C3orf52: variants seen among roughly 807,000 people sequenced by gnomAD.
C3orf52 encodes chromosome 3 open reading frame 52.
Under a neutral mutation model 24.8 loss-of-function variants are expected in C3orf52, and 22 were observed. The observed-to-expected ratio is 0.89, with a 90% CI of 0.63 to 1.27. The LOEUF (loss-of-function observed/expected upper bound fraction) is 1.27, where lower values mean the gene tolerates loss of function less well. C3orf52 is among the 50% of genes most tolerant of loss of function. The pLI is 0.00. For missense variants in C3orf52, 265 were observed against 260.7 expected (o/e 1.02, Z -0.11); for synonymous variants, 93 against 100.2 (o/e 0.93, Z 0.43).
chr3:112,135,021 T>TAA (rs1475950293), downstream of C3orf52: 1 of 154,892 alleles, frequency 6.5e-6, no homozygotes, highest in Non-Finnish European at 1.5e-5. Context: ...TTGTTGTTCT[T>TAA]TATCTTGATT....
intron 4 of C3orf52, among the ~76,000 whole-genome samples, chr3:112,126,593 T>C (rs2074325812): frequency 6.6e-6 from 1 of 152,220 alleles, no homozygotes. Flanking sequence ...CTCCCCACTG[T>C]GTAAAGCCAG....
intron 2 of C3orf52, among the ~76,000 whole-genome samples, chr3:112,101,286 C>T (rs1327560250): frequency 6.6e-6 from 1 of 152,156 alleles, no homozygotes; most frequent in African/African-American, 2.4e-5. Context: ...AAACCAGGAG[C>T]AAGCTTTCAA....
chr3:112,093,617 G>T (rs1576135188), intron 2 of C3orf52, 128 bp downstream of exon 2: 1 of 888,576 alleles, frequency 1.1e-6, no homozygotes, highest in Non-Finnish European at 1.7e-6. Flanking sequence ...AGACCGGCTT[G>T]GAATATATTG....
At chr3:112,123,516 T>TGA in intron 4 of C3orf52, 1 of 1,614,150 alleles carries the variant, frequency 6.2e-7, no homozygotes, top group Non-Finnish European at 8.5e-7. Flanking sequence ...TTGCAGAAAG[T>TGA]GAGAGGAGAT....
downstream of C3orf52, chr3:112,132,970 C>T (rs950528): frequency 0.4 from 393,949 of 980,384 alleles, 79,529 homozygotes; most frequent in Admixed American, 0.47. Context: ...TGGCAGTTTC[C>T]TTACCCAACT....
At chr3:112,132,499 G>A (rs529092786), downstream of C3orf52, 20 of 232,454 alleles carry the variant, frequency 8.6e-5, no homozygotes, top group African/African-American at 4.4e-4. Context: ...TTTATGTCAG[G>A]CACTATGCTA....
intron 4 of C3orf52, among the ~76,000 whole-genome samples, chr3:112,110,685 A>T (rs1395622445): frequency 6.6e-6 from 1 of 152,228 alleles, no homozygotes; most frequent in African/African-American, 2.4e-5. Flanking sequence ...TAAAATTTAT[A>T]TCAAAGCTTC....
intron 4 of C3orf52, among the ~76,000 whole-genome samples, chr3:112,110,349 A>AT (rs1204534423): frequency 6.6e-6 from 1 of 152,074 alleles, no homozygotes; most frequent in Non-Finnish European, 1.5e-5. Context: ...ATAAATAAAA[A>AT]TAAAAAAAAG....
Position 112,123,586 on chromosome 3 carries a change from T to C in C3orf52, c.*46+4024T>C, listed in dbSNP as rs1016658279. On this transcript the variant is annotated intron_variant, in intron 4 of 4. Transcript: ENST00000480282. ...GGGGATCGGGCATGCCTGGGGTCTG[T>C]AGAAGGCATATGTAGAAGTGAATAC... The C allele has an allele frequency of 1.2e-6, 2 of 1,613,964 alleles. No homozygotes were observed. The highest frequency in any genetic ancestry group is 3.3e-5 in the Admixed American group (2 of 60,000).
Position 112,116,904 on chromosome 3 carries a change from C to G in C3orf52, c.*258C>G. The stretch of plus-strand genomic sequence containing the variant: ...GCTAGGGTGGGGGCGATAGGGTCAG[C>G]GGGTATGTCCCACTGTTGGAGGTCA... On this transcript the variant is annotated 3_prime_UTR_variant, in exon 6 of 6. Transcript: ENST00000264848. The G allele has an allele frequency of 6.5e-7, 1 of 1,537,134 alleles. No individual in the cohort carries two copies. Among genetic ancestry groups the G allele is most frequent in the Non-Finnish European group, 8.7e-7 (1 of 1,146,828 alleles).
At chr3:112,097,174 T>C (rs777946578) in intron 2 of C3orf52, among the ~76,000 whole-genome samples, 1 of 152,160 alleles carries the variant, frequency 6.6e-6, no homozygotes, top group African/African-American at 2.4e-5. Flanking sequence ...TCTTTCTGGA[T>C]AATTTGGAGG....
In C3orf52 at chr3:112,117,060, A is replaced by T. The variant is rs544250784; in HGVS notation, c.*414A>T. The T allele has an allele frequency of 2.1e-5, 17 of 802,822 alleles. No homozygotes were observed. The highest frequency in any genetic ancestry group is 7.4e-4 in the Middle Eastern group (2 of 2,694). 49.7% of individuals were successfully genotyped at this position (802,822 alleles called of 1,614,324 possible). ...TTGAAGCACTCCACCCACCTGGGCT[A>T]CTTTTTCTTTAGTGCAGAGGTGCAC... On this transcript the variant is annotated 3_prime_UTR_variant, in exon 6 of 6. Transcript: ENST00000264848.
rs967762990 is a variant in C3orf52, at chr3:112,117,292, G to A, written c.*646G>A. On this transcript the variant is annotated 3_prime_UTR_variant, in exon 6 of 6. Transcript: ENST00000264848. ...AGTGTGGTTCTGTGTCTACTTCCAT[G>A]ACCTGTACCTGAGTATCTTAGCCAG... is the stretch of plus-strand genomic sequence containing the variant. 3.0e-6 allele frequency: 1 copy of A among 331,974 alleles called. No individual in the cohort carries two copies. Among genetic ancestry groups the A allele is most frequent in the African/African-American group, 2.1e-5 (1 of 48,280 alleles). 20.6% of individuals were successfully genotyped at this position (331,974 alleles called of 1,614,324 possible). A position where few individuals can be genotyped will look rare whatever the true frequency, so the allele number is the denominator to read the frequency against.
At chr3:112,089,895 T>G (rs17444215) in intron 1 of C3orf52, among the ~76,000 whole-genome samples, 25,900 of 152,224 alleles carry the variant, frequency 0.17, 2,725 homozygotes, top group Middle Eastern at 0.25. Flanking sequence ...CCATATAATA[T>G]GATCACAGAA....
chr3:112,132,975 C>A, downstream of C3orf52: 5 of 1,012,570 alleles, frequency 4.9e-6, no homozygotes, highest in South Asian at 1.6e-5. Flanking sequence ...GTTTCCTTAC[C>A]CAACTACTTT....
downstream of C3orf52, chr3:112,133,926 C>G (rs1228256799): frequency 6.6e-6 from 1 of 152,214 alleles, no homozygotes; most frequent in Non-Finnish European, 1.5e-5. Flanking sequence ...TAAATGAGAA[C>G]AGTTATCCCT....
downstream of C3orf52, chr3:112,130,055 A>C (rs963787584): frequency 5.6e-6 from 1 of 178,998 alleles, no homozygotes; most frequent in African/African-American, 2.3e-5. Context: ...AAATTGTCGT[A>C]ACATGGGGCA....
intron 4 of C3orf52, chr3:112,111,826 A>G (rs2074085948): frequency 6.6e-6 from 1 of 152,214 alleles, no homozygotes; most frequent in African/African-American, 2.4e-5. Flanking sequence ...GCCCTCCTTT[A>G]GTGGCATCCT....
At chr3:112,104,269 C>T (rs77755432) in intron 3 of C3orf52, among the ~76,000 whole-genome samples, 2 of 152,010 alleles carry the variant, frequency 1.3e-5, no homozygotes, top group Admixed American at 6.6e-5. Flanking sequence ...AGACTAGGAC[C>T]GTTGGGTGGG....
Sources: allele counts gnomAD v4.1 joint callset (sites outside exome capture counted in the v4.1 genomes callset), GRCh38; gene constraint gnomAD v4.1.1; transcripts MANE v1.5; gene names NCBI Gene and HGNC (gene_info 2026-07-23, HGNC 2026-07-21).